The following DIDO1 variants were observed in gnomAD, a reference collection of about 807,000 sequenced individuals.
The protein encoded by DIDO1 is death-inducer obliterator 1.
Under a neutral mutation model 99.4 loss-of-function variants are expected in DIDO1, and 16 were observed. That is an observed-to-expected ratio of 0.16 (90% CI 0.11 to 0.24). The LOEUF (loss-of-function observed/expected upper bound fraction) is 0.24, where lower values mean the gene tolerates loss of function less well. DIDO1 is among the 10% of genes least tolerant of loss of function. The pLI, the probability that DIDO1 is intolerant of heterozygous loss-of-function variation, is 1.00. For missense variants in DIDO1, 2,996 were observed against 3,014.0 expected (o/e 0.99, Z 0.14); for synonymous variants, 1,366 against 1,239.1 (o/e 1.10, Z -2.15).
rs996956548 is a variant in DIDO1 at position 62,907,026 on chromosome 20, C to T, written c.1374+121G>A. 19 of 980,844 alleles carry T rather than the reference C, an allele frequency of 1.9e-5. No individual in the cohort carries two copies. The African/African-American group carries it at 2.2e-4, about 11-fold the overall frequency. The allele number at this position is 980,844 out of a possible 1,614,324, so 60.8% of individuals were successfully genotyped here. On this transcript the variant is annotated intron_variant, in intron 5 of 15. Coordinates refer to ENST00000395343, the MANE Select transcript of DIDO1 (RefSeq NM_001193369.2). ...AGGTGGAAGACAAAGGTCAAGGCGA[C>T]ACCACGTGTGCGCCCCCCTACACCT... is the stretch of plus-strand genomic sequence containing the variant.
At chr20:62,902,114 A>G (rs1318305733) in intron 6 of DIDO1, among the ~76,000 whole-genome samples, 3 of 152,280 alleles carry the variant, frequency 2.0e-5, no homozygotes, top group South Asian at 4.1e-4. Flanking sequence ...GCATAAGCAC[A>G]AAGGGGCACC....
rs2064390901 is a variant in DIDO1 at position 62,891,219 on chromosome 20, C to T, written c.3346-64G>A. On this transcript the variant is annotated intron_variant, in intron 14 of 15. Coordinates refer to ENST00000395343, the MANE Select transcript of DIDO1 (RefSeq NM_001193369.2). ...TGGCTCAAGCATCACACGCCCAATT[C>T]ACATCCTGCTTTCAACAGGAAACCT... 1.9e-6 allele frequency: 3 copies of T among 1,603,404 alleles called. No individual in the cohort carries two copies. In the Admixed American group the frequency reaches 5.1e-5, roughly 27 times the overall value.
chr20:62,897,022 G>T (rs1007003445), intron 6 of DIDO1, 26 bp from the exon 7 acceptor site: 3 of 1,585,838 alleles, frequency 1.9e-6, no homozygotes, highest in Non-Finnish European at 2.6e-6. Flanking sequence ...CAGGCGCTGA[G>T]TAAGGGAGGA....
chr20:62,920,179 G>A (rs1328406337), intron 1 of DIDO1, among the ~76,000 whole-genome samples: 5 of 152,178 alleles, frequency 3.3e-5, no homozygotes, highest in Non-Finnish European at 7.4e-5. Context: ...GTGGCAGTGT[G>A]AGCTCCCCGG....
At chr20:62,908,392 T>A (rs1049483190) in intron 4 of DIDO1, among the ~76,000 whole-genome samples, 1 of 152,208 alleles carries the variant, frequency 6.6e-6, no homozygotes, top group East Asian at 1.9e-4. Flanking sequence ...CTGTGAGACC[T>A]GAGCAGCAGG....
In DIDO1 at chr20:62,881,280, T is replaced by A; in HGVS notation, c.4676A>T (p.Asp1559Val). ...PPASQASNHR[D>V]PRQARRLATE... is the part of the protein sequence containing the mutation. ...GGCCAGGCGCCTCGCCTGCCGGGGG[T>A]CCCTGTGGTTTGACGCCTGGCTGGC... is the stretch of plus-strand genomic sequence containing the variant. The change falls in exon 16 of 16, where the codon GAC becomes GTC. Residue 1559 changes from aspartate (D) to valine (V), a missense_variant. This residue lies in a region of DIDO1 where 1,562 missense variants were observed against 1,412.6 expected (regional missense o/e 1.11). Transcript: ENST00000395343. The surrounding 1 kb of genome is among the most constrained non-coding windows in gnomAD (Gnocchi z 8.3). 6.2e-7 allele frequency: 1 copy of A among 1,604,408 alleles called. No individual in the cohort carries two copies. Among genetic ancestry groups the A allele is most frequent in the Non-Finnish European group, 8.5e-7 (1 of 1,179,396 alleles).
chr20:62,903,681 A>G (rs1004683880), intron 6 of DIDO1, among the ~76,000 whole-genome samples: 5 of 152,194 alleles, frequency 3.3e-5, no homozygotes, highest in Non-Finnish European at 7.3e-5. Flanking sequence ...GGGATAACAA[A>G]ACGAGCAGAA....
chr20:62,909,610 A>T, intron 4 of DIDO1, 89 bp downstream of exon 4: 1 of 1,521,326 alleles, frequency 6.6e-7, no homozygotes, highest in Non-Finnish European at 8.9e-7. Flanking sequence ...TGGGTGCAGC[A>T]CCCGTCCTGG....
chr20:62,920,882 T>A (rs1009986479), intron 1 of DIDO1, among the ~76,000 whole-genome samples: 1 of 152,226 alleles, frequency 6.6e-6, no homozygotes, highest in African/African-American at 2.4e-5. Context: ...TATGTTAATA[T>A]ATAATGGTTT....
At chr20:62,882,447 A>C in intron 15 of DIDO1, 33 bp from the exon 16 acceptor site, 1 of 1,578,034 alleles carries the variant, frequency 6.3e-7, no homozygotes, top group South Asian at 1.2e-5. Flanking sequence ...AAATTTTAGA[A>C]TCTAAATCCA....
Position 62,896,376 on chromosome 20 carries a change from C to A in DIDO1, c.2071G>T (p.Asp691Tyr). Residue 691 changes from aspartate (D) to tyrosine (Y), a missense_variant, in exon 8 of 16, where the codon GAC becomes TAC. By Grantham distance (160) the Asp-to-Tyr change is radical. Coordinates refer to ENST00000395343, the MANE Select transcript of DIDO1 (RefSeq NM_001193369.2). The surrounding 1 kb of genome is among the most constrained non-coding windows in gnomAD (Gnocchi z 4.4). Reference protein sequence around the residue: ...ILWKRVNDSDDLIMTENEVGK... With the variant: ...ILWKRVNDSDYLIMTENEVGK... ...ACTTCGTTTTCTGTCATGATTAAGT[C>A]ATCGCTGTCATTGACTCTGAACAGA... 2 of 1,614,022 alleles carry A rather than the reference C, an allele frequency of 1.2e-6. No individual in the cohort carries two copies. Among genetic ancestry groups the A allele is most frequent in the South Asian group, 2.2e-5 (2 of 91,048 alleles).
upstream of DIDO1, among the ~76,000 whole-genome samples, chr20:62,929,708 T>TATATATATATATATATATATATATATAC (rs1235083855): frequency 2.3e-5 from 3 of 132,622 alleles, no homozygotes; most frequent in African/African-American, 9.6e-5. Context: ...TATATATATA[T>TATATATATATATATATATATATATATAC]ATATGCCTAC....
intron 4 of DIDO1, among the ~76,000 whole-genome samples, 154 bp downstream of exon 4, chr20:62,909,545 A>G (rs1201722661): frequency 6.6e-6 from 1 of 152,248 alleles, no homozygotes; most frequent in Non-Finnish European, 1.5e-5. Context: ...ATAAAAATAG[A>G]AAGGCCTCAC....
intron 1 of DIDO1, among the ~76,000 whole-genome samples, chr20:62,918,521 C>A (rs1241333467): frequency 1.3e-5 from 2 of 152,154 alleles, no homozygotes; most frequent in Admixed American, 1.3e-4. Flanking sequence ...GACATACAAC[C>A]ATAATTAAGT....
At chr20:62,887,911 T>TGCGGGGCA (rs1390100525) in intron 15 of DIDO1, 6 of 985,304 alleles carry the variant, frequency 6.1e-6, no homozygotes, top group Admixed American at 1.2e-4. Flanking sequence ...GTGCCCCCAC[T>TGCGGGGCA]GCGGGGCAGA....
chr20:62,900,647 C>A (rs2064649254), intron 6 of DIDO1, among the ~76,000 whole-genome samples: 1 of 152,228 alleles, frequency 6.6e-6, no homozygotes, highest in African/African-American at 2.4e-5. Context: ...TGGCTCCCCA[C>A]AGGGAAAGGA....
chr20:62,909,820 C>T lies in DIDO1; in HGVS notation c.1040G>A (p.Gly347Asp). 6.2e-7 allele frequency: 1 copy of T among 1,614,238 alleles called. No individual in the cohort carries two copies. The highest frequency in any genetic ancestry group is 8.5e-7 in the Non-Finnish European group (1 of 1,180,046). Reference sequence around the variant, plus strand: ...TGTTCCTATACTTGTACAATCGGTGCCATCAGCATCTCCAGGTCTCCATTT... The same window carrying T: ...TGTTCCTATACTTGTACAATCGGTGTCATCAGCATCTCCAGGTCTCCATTT... ...EAKWRPGDADGTDCTSIGTIE... is the reference protein window; with the variant it reads ...EAKWRPGDADDTDCTSIGTIE... Residue 347 changes from glycine (G) to aspartate (D), a missense_variant, in exon 4 of 16, where the codon GGC (glycine) becomes GAC (aspartate). Around this residue, in one of 5 missense-constraint regions of DIDO1, gnomAD observed 898 missense variants for 972.7 expected, o/e 0.92. Transcript: ENST00000395343.
rs758777709 is a variant in DIDO1, at chr20:62,890,963, G to C, written c.3538C>G (p.Pro1180Ala). 2 of 1,613,888 alleles carry C rather than the reference G, an allele frequency of 1.2e-6. No individual in the cohort carries two copies. Among genetic ancestry groups the C allele is most frequent in the African/African-American group, 2.7e-5 (2 of 75,020 alleles). ...CACCCAGAAAGCCGGCGCTTACCTGGTCCCTCAAAGGGCAAGAGTTTGGAT... is the reference window on the plus strand; with the variant it reads ...CACCCAGAAAGCCGGCGCTTACCTGCTCCCTCAAAGGGCAAGAGTTTGGAT... ...VPSKLLPFEG[P>A]GLESPRPNII... is the part of the protein sequence containing the mutation. The change falls in exon 15 of 16, where the codon CCA (proline) becomes GCA (alanine). Residue 1180 changes from proline (P) to alanine (A), a missense_variant. Coordinates refer to ENST00000395343, the MANE Select transcript of DIDO1 (RefSeq NM_001193369.2).
chr20:62,910,528 T>G (rs531152210), intron 3 of DIDO1, among the ~76,000 whole-genome samples: 45 of 152,204 alleles, frequency 3.0e-4, no homozygotes, highest in Non-Finnish European at 6.2e-4. Context: ...CTCACGTGAC[T>G]GGGGTGGGGC....
Sources: allele counts gnomAD v4.1 joint callset (sites outside exome capture counted in the v4.1 genomes callset), GRCh38; gene constraint gnomAD v4.1.1; regional missense constraint gnomAD v4.1.1; non-coding constraint Gnocchi (gnomAD v3.1); transcripts MANE v1.5; gene names NCBI Gene and HGNC (gene_info 2026-07-23, HGNC 2026-07-21).